CFHR1: variants seen among roughly 807,000 people sequenced by gnomAD.
CFHR1 encodes the protein complement factor H-related protein 1.
A neutral mutation model predicts 30.4 loss-of-function variants in CFHR1; 22 were observed. The observed-to-expected ratio is 0.72, with a 90% confidence interval of 0.52 to 1.03. The LOEUF is 1.03. CFHR1 is among the 50% of genes least tolerant of loss of function. The probability of loss-of-function intolerance (pLI) is 0.00; values close to 1 mark genes in which losing one functional copy is unlikely to be tolerated. For missense variants in CFHR1, 248 were observed against 380.6 expected, an observed-to-expected ratio of 0.65 and a Z score of 2.90; for synonymous variants, 95 against 129.1, an observed-to-expected ratio of 0.74 and a Z score of 1.79.
At chr1:196,821,069 C>T (rs1348059342) in intron 1 of CFHR1, 1 of 140,526 alleles carries the variant, frequency 7.1e-6, no homozygotes, top group Non-Finnish European at 1.5e-5. Flanking sequence ...GAACTCCCGA[C>T]CTCAGGTGAT....
chr1:196,825,402 A>T, intron 1 of CFHR1, 75 bp from the exon 2 acceptor site: 1 of 1,085,264 alleles, frequency 9.2e-7, no homozygotes, highest in Non-Finnish European at 1.3e-6. Flanking sequence ...TATAAGTGAG[A>T]TGATTAAAAT....
At position 196,822,728 on chromosome 1, in the gene CFHR1, A is replaced by G. The variant is rs937490889; in HGVS notation, c.59-2749A>G. On this transcript the variant is annotated intron_variant, in intron 1 of 5. Transcript: ENST00000320493. The stretch of plus-strand genomic sequence containing the variant: ...TCCTGAAGGACCTGCCTCAGGAAAC[A>G]TTAACTGTTTTACAGTTAATTTTTT... Among the ~76,000 whole-genome samples the G allele has an allele frequency of 3.7e-5, 5 of 134,750 alleles. 1 individual carries two copies. Among genetic ancestry groups the G allele is most frequent in the South Asian group, 2.6e-4 (1 of 3,882 alleles). The allele number at this position is 134,750 out of a possible 152,430, so 88.4% of individuals were successfully genotyped here.
chr1:196,824,379 TC>T (rs1655241909), intron 1 of CFHR1, among the ~76,000 whole-genome samples: 1 of 133,264 alleles, frequency 7.5e-6, no homozygotes, highest in African/African-American at 3.3e-5. Context: ...TGCCTCAGCC[TC>T]CCAGGTAGCT....
At chr1:196,822,626 C>T (rs1329311792) in intron 1 of CFHR1, among the ~76,000 whole-genome samples, 2 of 134,414 alleles carry the variant, frequency 1.5e-5, no homozygotes, top group Non-Finnish European at 3.1e-5. Context: ...GCTCTTGTCC[C>T]ACTGGAAGGT....
Position 196,823,136 on chromosome 1 carries a change from T to A in CFHR1, c.59-2341T>A, listed in dbSNP as rs1254009118. On this transcript the variant is annotated intron_variant, in intron 1 of 5. Transcript: ENST00000320493. ...GTGTGTGTGTGTGTGTGTGTGTGTATCCCAGAAGAAATGTATTCACAATAT... is the reference window on the plus strand; with the variant it reads ...GTGTGTGTGTGTGTGTGTGTGTGTAACCCAGAAGAAATGTATTCACAATAT... Among the ~76,000 whole-genome samples the A allele has an allele frequency of 6.9e-5, 9 of 131,192 alleles. 1 individual carries two copies. Among genetic ancestry groups the A allele is most frequent in the African/African-American group, 2.7e-4 (8 of 29,996 alleles). The allele number at this position is 131,192 out of a possible 152,430, so 86.1% of individuals were successfully genotyped here.
chr1:196,825,786 A>G (rs1168785861), intron 2 of CFHR1, 115 bp downstream of exon 2: 1 of 1,040,722 alleles, frequency 9.6e-7, no homozygotes, highest in Non-Finnish European at 1.4e-6. Flanking sequence ...GAAGCTGGAA[A>G]GATGGGAGAT....
rs764899985 is a variant in CFHR1, at chr1:196,830,789, A to T, written c.790+107A>T. On this transcript the variant is annotated intron_variant, in intron 5 of 5. Coordinates refer to ENST00000320493, the MANE Select transcript of CFHR1 (RefSeq NM_002113.3). The stretch of plus-strand genomic sequence containing the variant: ...GATTATTGAACAACCATTCTGCTGA[A>T]TGCCTGCCTACCAAAAATTTCTTTT... 5.8e-6 allele frequency: 8 copies of T among 1,374,938 alleles called. 1 individual carries two copies. The highest frequency in any genetic ancestry group is 1.9e-5 in the African/African-American group (1 of 53,712). 85.2% of individuals were successfully genotyped at this position (1,374,938 alleles called of 1,614,324 possible). A position where few individuals can be genotyped will look rare whatever the true frequency, so the allele number is the denominator to read the frequency against.
In CFHR1 at chr1:196,829,061, AAGG is replaced by A. The variant is rs1287928651; in HGVS notation, c.607+818_607+820del. On this transcript the variant is annotated intron_variant, in intron 4 of 5. Coordinates refer to ENST00000320493, the MANE Select transcript of CFHR1 (RefSeq NM_002113.3). ...TCCATTCCCTGTAGGGAAAATTATT[AAGG>A]AGATTAATTTTGATTCATATGTATT... 1.5e-5 allele frequency among the ~76,000 whole-genome samples: 2 copies of A among 134,348 alleles called. 1 individual carries two copies. The highest frequency in any genetic ancestry group is 3.1e-5 in the Non-Finnish European group (2 of 63,964). The allele number at this position is 134,348 out of a possible 152,430, so 88.1% of individuals were successfully genotyped here. A position where few individuals can be genotyped will look rare whatever the true frequency, so the allele number is the denominator to read the frequency against.
At position 196,825,634 on chromosome 1, in the gene CFHR1, C is replaced by G; in HGVS notation, c.216C>G (p.Cys72Trp). 1 of 1,524,516 alleles carries G rather than the reference C, an allele frequency of 6.6e-7. No individual in the cohort carries two copies. The highest frequency in any genetic ancestry group is 8.9e-7 in the Non-Finnish European group (1 of 1,128,826). 94.4% of individuals were successfully genotyped at this position (1,524,516 alleles called of 1,614,324 possible). ...AATCATTTTGGACTCGCATAACATG[C>G]ACAGAAGAAGGATGGTCACCAACAC... ...PSKSFWTRIT[C>W]TEEGWSPTPK... Residue 72 changes from cysteine to tryptophan, a missense_variant, in exon 2 of 6, where the codon TGC becomes TGG. Physicochemically the swap from Cys to Trp is radical, Grantham distance 215. Coordinates refer to ENST00000320493, the MANE Select transcript of CFHR1 (RefSeq NM_002113.3).
chr1:196,831,389 A>G (rs1461872770), intron 5 of CFHR1, among the ~76,000 whole-genome samples: 3 of 134,882 alleles, frequency 2.2e-5, no homozygotes, highest in Non-Finnish European at 4.7e-5. Flanking sequence ...CAATTTTCAG[A>G]TAAACAATAC....
chr1:196,831,686 T>A, intron 5 of CFHR1, 111 bp from the exon 6 acceptor site: 1 of 1,325,406 alleles, frequency 7.5e-7, no homozygotes, highest in Non-Finnish European at 1.0e-6. Context: ...TTGGACAGTG[T>A]TTTGAGAAAT....
chr1:196,829,437 C>G (rs1655460618), intron 4 of CFHR1, among the ~76,000 whole-genome samples: 1 of 135,354 alleles, frequency 7.4e-6, no homozygotes, highest in Non-Finnish European at 1.6e-5. Context: ...CCTGAAGTCT[C>G]AAGCTCTTTC....
At position 196,826,812 on chromosome 1, in the gene CFHR1, C is replaced by T. The variant is rs779815921; in HGVS notation, c.254-17C>T. 2.6e-6 allele frequency: 4 copies of T among 1,513,310 alleles called. 1 individual carries two copies. In the Admixed American group the frequency reaches 5.2e-5, roughly 20 times the overall value. 93.7% of individuals were successfully genotyped at this position (1,513,310 alleles called of 1,614,324 possible). ...TGCTACTTCCATCTTGTACATTAAT[C>T]CGTTTTTGGTCCTTAGGACTGTGTT... On this transcript the variant is annotated splice_polypyrimidine_tract_variant and intron_variant, in intron 2 of 5. Coordinates refer to ENST00000320493, the MANE Select transcript of CFHR1 (RefSeq NM_002113.3).
rs772090266 is a variant in CFHR1, at chr1:196,823,093, ATATATATATGTGTGTGTGTG to A, written c.59-2382_59-2363del. On this transcript the variant is annotated intron_variant, in intron 1 of 5. Coordinates refer to ENST00000320493, the MANE Select transcript of CFHR1 (RefSeq NM_002113.3). ...AATAACTGTACGACTGTATATATAT[ATATATATATGTGTGTGTGTG>A]TGTGTGTGTGTGTGTGTGTGTATCC... 3.0e-3 allele frequency among the ~76,000 whole-genome samples: 367 copies of A among 120,848 alleles called. 94 individuals carry two copies. The highest frequency in any genetic ancestry group is 0.014 in the African/African-American group (352 of 24,592). 79.3% of individuals were successfully genotyped at this position (120,848 alleles called of 152,430 possible).
intron 3 of CFHR1, 108 bp from the exon 4 acceptor site, chr1:196,827,962 A>G (rs1356993359): frequency 1.0e-6 from 1 of 991,496 alleles, no homozygotes; most frequent in Non-Finnish European, 1.4e-6. Context: ...ATTTGATGAG[A>G]TTGTCTACTT....
At chr1:196,830,913 G>C (rs1188362374) in intron 5 of CFHR1, among the ~76,000 whole-genome samples, 1 of 134,406 alleles carries the variant, frequency 7.4e-6, no homozygotes, top group East Asian at 2.0e-4. Context: ...AGATCACGAG[G>C]TCAGGAGATT....
intron 4 of CFHR1, 141 bp from the exon 5 acceptor site, chr1:196,830,359 T>A: frequency 3.2e-6 from 3 of 938,266 alleles, no homozygotes; most frequent in Admixed American, 4.5e-5. Context: ...GGATTAAAAT[T>A]TCTTCCAGGA....
chr1:196,823,616 C>G (rs1397094618), intron 1 of CFHR1, among the ~76,000 whole-genome samples: 1 of 135,532 alleles, frequency 7.4e-6, no homozygotes, highest in Non-Finnish European at 1.6e-5. Flanking sequence ...AGAGAAATTT[C>G]TCTTGATTTG....
In CFHR1 at chr1:196,822,570, G is replaced by A. The variant is rs542779309; in HGVS notation, c.58+2668G>A. 5.3e-5 allele frequency among the ~76,000 whole-genome samples: 7 copies of A among 132,210 alleles called. No homozygotes were observed. In the South Asian group the frequency reaches 7.9e-4, roughly 15 times the overall value. The allele number at this position is 132,210 out of a possible 152,430, so 86.7% of individuals were successfully genotyped here. On this transcript the variant is annotated intron_variant, in intron 1 of 5. Transcript: ENST00000320493. Reference sequence around the variant, plus strand: ...AGACACAAACACACACATTAACCTCGGCCTACAAAGAGTCAGGATCATCAG... The same window carrying A: ...AGACACAAACACACACATTAACCTCAGCCTACAAAGAGTCAGGATCATCAG...
Sources: allele counts gnomAD v4.1 joint callset (sites outside exome capture counted in the v4.1 genomes callset), GRCh38; gene constraint gnomAD v4.1.1; transcripts MANE v1.5; gene names NCBI Gene and HGNC (gene_info 2026-07-23, HGNC 2026-07-21).